TRAK1: variants seen among roughly 807,000 people sequenced by gnomAD.
TRAK1 encodes trafficking kinesin-binding protein 1.
Under a neutral mutation model 92.1 loss-of-function variants are expected in TRAK1, and 33 were observed. The observed-to-expected ratio is 0.36, with a 90% CI of 0.27 to 0.48. The LOEUF (loss-of-function observed/expected upper bound fraction) is 0.48. Among genes scored for constraint, TRAK1 ranks in the 20% least tolerant of loss-of-function variants. The probability of loss-of-function intolerance (pLI) is 0.99; values close to 1 mark genes in which losing one functional copy is unlikely to be tolerated. For missense variants in TRAK1, 1,123 were observed against 1,257.9 expected (o/e 0.89, Z 1.62); for synonymous variants, 521 against 517.3 (o/e 1.01, Z -0.10).
At chr3:42,086,365 G>GCATGAT (rs1034985014), upstream of TRAK1, among the ~76,000 whole-genome samples, 1 of 149,262 alleles carries the variant, frequency 6.7e-6, no homozygotes, top group African/African-American at 2.5e-5. Flanking sequence ...GAGCCCAGTG[G>GCATGAT]CATGATCTCA....
chr3:42,028,048 A>G (rs1701986918), intron 1 of TRAK1, among the ~76,000 whole-genome samples: 1 of 152,116 alleles, frequency 6.6e-6, no homozygotes, highest in East Asian at 1.9e-4. Context: ...ACGGGGTTTC[A>G]TCATGTTGGC....
At chr3:42,213,244 A>T (rs1305414486) in intron 14 of TRAK1, among the ~76,000 whole-genome samples, 1 of 151,916 alleles carries the variant, frequency 6.6e-6, no homozygotes, top group East Asian at 1.9e-4. Flanking sequence ...TTTTGTAGAG[A>T]CAGGCTTTCA....
At chr3:42,194,991 A>T (rs776241245) in intron 10 of TRAK1, 50 bp downstream of exon 10, 65 of 1,601,688 alleles carry the variant, frequency 4.1e-5, no homozygotes, top group Middle Eastern at 3.3e-4. Flanking sequence ...TTCTGGTGAC[A>T]GGAGCACAGT....
At chr3:42,063,079 A>G (rs1279926907) in intron 1 of TRAK1, among the ~76,000 whole-genome samples, 2 of 152,212 alleles carry the variant, frequency 1.3e-5, no homozygotes, top group Non-Finnish European at 2.9e-5. Flanking sequence ...TACCAAATCC[A>G]GTGCTTATTC....
chr3:42,023,460 T>C (rs1174221704), intron 1 of TRAK1, among the ~76,000 whole-genome samples: 4 of 152,072 alleles, frequency 2.6e-5, no homozygotes, highest in Non-Finnish European at 5.9e-5. Context: ...TCCTAGGCCG[T>C]ATGTGATCCT....
Position 42,125,540 on chromosome 3 carries a change from A to G in TRAK1, c.212A>G (p.His71Arg), listed in dbSNP as rs201136046. Residue 71 changes from histidine (H) to arginine (R), a missense_variant, in exon 2 of 16, where the codon CAT (histidine) becomes CGT (arginine). Physicochemically the swap from His to Arg is conservative, Grantham distance 29. Coordinates refer to ENST00000327628, the MANE Select transcript of TRAK1 (RefSeq NM_001042646.3). ...IYGYDHDDWL[H>R]TPLISPDANI... ...GGTTATGACCACGACGACTGGCTCCATACACCTCTCATTTCTCCAGATGCC... is the reference window on the plus strand; with the variant it reads ...GGTTATGACCACGACGACTGGCTCCGTACACCTCTCATTTCTCCAGATGCC... 93 of 1,614,214 alleles carry G rather than the reference A, an allele frequency of 5.8e-5. No individual in the cohort carries two copies. Among genetic ancestry groups the G allele is most frequent in the Admixed American group, 3.7e-4 (22 of 60,022 alleles).
chr3:42,017,183 C>T (rs1002705452), intron 1 of TRAK1, among the ~76,000 whole-genome samples: 2 of 152,184 alleles, frequency 1.3e-5, no homozygotes, highest in Non-Finnish European at 2.9e-5. Flanking sequence ...ATTGCTTGAA[C>T]CCAGGAGGTG....
chr3:42,194,012 A>C, intron 9 of TRAK1, 114 bp downstream of exon 9: 1 of 1,004,650 alleles, frequency 1.0e-6, no homozygotes. Flanking sequence ...TTTGAATTTC[A>C]TTTCATTTTT....
At chr3:42,036,062 C>T (rs1237587529) in intron 1 of TRAK1, among the ~76,000 whole-genome samples, 1 of 152,216 alleles carries the variant, frequency 6.6e-6, no homozygotes, top group Non-Finnish European at 1.5e-5. Context: ...TGGCCTGGCA[C>T]TGCTGATATT....
At chr3:42,208,393 G>A (rs563172038) in intron 13 of TRAK1, among the ~76,000 whole-genome samples, 3 of 152,216 alleles carry the variant, frequency 2.0e-5, no homozygotes, top group African/African-American at 7.2e-5. Context: ...CGACACATGA[G>A]AAGTTATTTC....
In TRAK1 at chr3:42,117,089, C is replaced by T. The variant is rs576374084; in HGVS notation, c.92-8331C>T. On this transcript the variant is annotated intron_variant, in intron 1 of 15. Transcript: ENST00000327628. ...GCATGTCAAGGACTGGGGGCGTCACCGGGAAGTGCTGTGAGTGGCGGCTGC... is the reference window on the plus strand; with the variant it reads ...GCATGTCAAGGACTGGGGGCGTCACTGGGAAGTGCTGTGAGTGGCGGCTGC... 1.3e-4 allele frequency among the ~76,000 whole-genome samples: 20 copies of T among 152,260 alleles called. No individual in the cohort carries two copies. The South Asian group carries it at 1.9e-3, about 14-fold the overall frequency.
intron 2 of TRAK1, among the ~76,000 whole-genome samples, chr3:42,131,904 A>T (rs1473523034): frequency 1.6e-4 from 2 of 12,492 alleles, no homozygotes; most frequent in African/African-American, 6.6e-4. Context: ...CAAAAAATTA[A>T]AAAAAAAAAA....
At chr3:42,215,895 C>T (rs1577057466) in intron 14 of TRAK1, among the ~76,000 whole-genome samples, 1 of 152,110 alleles carries the variant, frequency 6.6e-6, no homozygotes, top group African/African-American at 2.4e-5. Flanking sequence ...ATGCCAAGTA[C>T]GGTTGCATTT....
upstream of TRAK1, among the ~76,000 whole-genome samples, chr3:42,087,981 A>G (rs1704768371): frequency 6.6e-6 from 1 of 152,168 alleles, no homozygotes; most frequent in Admixed American, 6.5e-5. Context: ...TATTTTCCCC[A>G]AGGAAGCATT....
chr3:42,051,951 A>G (rs1254966244), intron 1 of TRAK1, among the ~76,000 whole-genome samples: 1 of 152,116 alleles, frequency 6.6e-6, no homozygotes, highest in African/African-American at 2.4e-5. Flanking sequence ...TATCTTCTCT[A>G]CTACCCAGTG....
intron 14 of TRAK1, chr3:42,212,008 T>C: frequency 4.1e-6 from 4 of 985,454 alleles, no homozygotes; most frequent in Non-Finnish European, 3.6e-6. Context: ...GTAAGGCTCA[T>C]CTTTAAAAAC....
intron 1 of TRAK1, among the ~76,000 whole-genome samples, chr3:42,118,734 C>T (rs1354611356): frequency 1.3e-5 from 2 of 152,206 alleles, no homozygotes; most frequent in Non-Finnish European, 2.9e-5. Context: ...CCAAATCTTA[C>T]GCCTTGGGAA....
At chr3:42,065,362 A>G (rs1338346819) in intron 1 of TRAK1, among the ~76,000 whole-genome samples, 3 of 152,218 alleles carry the variant, frequency 2.0e-5, no homozygotes, top group Non-Finnish European at 4.4e-5. Flanking sequence ...AATTAAGAAT[A>G]TTTGCATTAT....
At chr3:42,045,396 A>G (rs1702714073) in intron 1 of TRAK1, among the ~76,000 whole-genome samples, 1 of 152,180 alleles carries the variant, frequency 6.6e-6, no homozygotes, top group African/African-American at 2.4e-5. Flanking sequence ...TTAGCCAGGC[A>G]TAGTGGCGCG....
Sources: allele counts gnomAD v4.1 joint callset (sites outside exome capture counted in the v4.1 genomes callset), GRCh38; gene constraint gnomAD v4.1.1; transcripts MANE v1.5; gene names NCBI Gene and HGNC (gene_info 2026-07-23, HGNC 2026-07-21).